NACC1: variants seen among roughly 807,000 people sequenced by gnomAD.
The protein encoded by NACC1 is nucleus accumbens associated 1, also known as nucleus accumbens-associated protein 1.
A neutral mutation model predicts 41.7 loss-of-function variants in NACC1; 6 were observed. That is an observed-to-expected ratio of 0.14 (90% CI 0.08 to 0.28). The LOEUF is 0.28. Among genes scored for constraint, NACC1 ranks in the 10% least tolerant of loss-of-function variants. NACC1 has a pLI of 1.00. For missense variants in NACC1, 434 were observed against 763.7 expected (o/e 0.57, Z 5.09); for synonymous variants, 338 against 330.6 (o/e 1.02, Z -0.24).
rs2019742467 is a variant in NACC1, at chr19:13,138,680, T to A, written c.*274T>A. 4.0e-6 allele frequency: 2 copies of A among 498,902 alleles called. No individual in the cohort carries two copies. The highest frequency in any genetic ancestry group is 7.3e-6 in the Non-Finnish European group (2 of 273,452). The allele number at this position is 498,902 out of a possible 1,614,324, so 30.9% of individuals were successfully genotyped here. On this transcript the variant is annotated 3_prime_UTR_variant, in exon 6 of 6. Coordinates refer to ENST00000292431, the MANE Select transcript of NACC1 (RefSeq NM_052876.4). This position sits in a 1 kb window ranked among gnomAD's most constrained non-coding sequence, Gnocchi z 5.7. ...GGCTCCCCAACCTAACCCCTAGCCG[T>A]CATCTCCACACTCACCAGGCCCACC...
rs537539123 is a variant in NACC1, at chr19:13,137,117, G to A, written c.1121-154G>A. ...AGCCTCCCCTGACTGCCCTTGGTGG[G>A]TAGAGATGTAGGGGAGAAGGTCCCT... On this transcript the variant is annotated intron_variant, in intron 3 of 5. Coordinates refer to ENST00000292431, the MANE Select transcript of NACC1 (RefSeq NM_052876.4). This position sits in a 1 kb window ranked among gnomAD's most constrained non-coding sequence, Gnocchi z 6.1. 7.2e-5 allele frequency among the ~76,000 whole-genome samples: 11 copies of A among 152,322 alleles called. No homozygotes were observed. The highest frequency in any genetic ancestry group is 2.6e-4 in the African/African-American group (11 of 41,578).
intron 1 of NACC1, among the ~76,000 whole-genome samples, chr19:13,128,394 G>C (rs2019591401): frequency 1.3e-5 from 2 of 152,184 alleles, no homozygotes; most frequent in Admixed American, 6.5e-5. Context: ...ATGGCTTGCA[G>C]ACAGCTGCCT....
intron 1 of NACC1, among the ~76,000 whole-genome samples, chr19:13,127,370 A>ATTTTT (rs1491187460): frequency 4.5e-5 from 2 of 44,818 alleles, no homozygotes; most frequent in African/African-American, 2.3e-4. Context: ...ATATACATAT[A>ATTTTT]CTTTTTTTTT....
Position 13,138,538 on chromosome 19 carries a change from C to T in NACC1, c.*132C>T. 1 of 1,332,396 alleles carries T rather than the reference C, an allele frequency of 7.5e-7. No individual in the cohort carries two copies. Among genetic ancestry groups the T allele is most frequent in the Non-Finnish European group, 1.0e-6 (1 of 983,858 alleles). The allele number at this position is 1,332,396 out of a possible 1,614,324, so 82.5% of individuals were successfully genotyped here. A position where few individuals can be genotyped will look rare whatever the true frequency, so the allele number is the denominator to read the frequency against. On this transcript the variant is annotated 3_prime_UTR_variant, in exon 6 of 6. Coordinates refer to ENST00000292431, the MANE Select transcript of NACC1 (RefSeq NM_052876.4). This position sits in a 1 kb window ranked among gnomAD's most constrained non-coding sequence, Gnocchi z 5.7. ...GTGCTGCATGTTCCCGGCCCTCTGC[C>T]CCTCCTGTCCTACCCCCTTTCCCCA...
In NACC1 at chr19:13,140,006, G is replaced by A. The variant is rs2019766162; in HGVS notation, c.*1600G>A. On this transcript the variant is annotated 3_prime_UTR_variant, in exon 6 of 6. Transcript: ENST00000292431. This position sits in a 1 kb window ranked among gnomAD's most constrained non-coding sequence, Gnocchi z 4.0. ...AGGGGGATTTTAGGAGATGGGGTGG[G>A]GGCCAGCCCCTACTGGACCCTTGTA... 1 of 152,164 alleles carries A rather than the reference G, an allele frequency of 6.6e-6. No individual in the cohort carries two copies. Among genetic ancestry groups the A allele is most frequent in the Admixed American group, 6.5e-5 (1 of 15,274 alleles). 9.4% of individuals were successfully genotyped at this position (152,164 alleles called of 1,614,324 possible).
In NACC1 at chr19:13,138,907, C is replaced by T. The variant is rs888063667; in HGVS notation, c.*501C>T. The T allele has an allele frequency of 4.4e-5, 7 of 158,840 alleles. No individual in the cohort carries two copies. The highest frequency in any genetic ancestry group is 1.8e-4 in the East Asian group (1 of 5,440). 9.8% of individuals were successfully genotyped at this position (158,840 alleles called of 1,614,324 possible). A position where few individuals can be genotyped will look rare whatever the true frequency, so the allele number is the denominator to read the frequency against. On this transcript the variant is annotated 3_prime_UTR_variant, in exon 6 of 6. Transcript: ENST00000292431. The surrounding 1 kb of genome is among the most constrained non-coding windows in gnomAD (Gnocchi z 5.7). ...TTCCTGTCACCCTCGTCTATCCCTG[C>T]GCCTGGGGGCTGGGGTAGGCGAGGC...
At chr19:13,119,339 C>T (rs2019459207) in intron 1 of NACC1, among the ~76,000 whole-genome samples, 1 of 152,226 alleles carries the variant, frequency 6.6e-6, no homozygotes, top group African/African-American at 2.4e-5. Context: ...CCTCTGCCAA[C>T]TGTTCAAAGG....
rs1415606720 is a variant in NACC1, at chr19:13,136,005, C to T, written c.798C>T (p.Thr266=). The T allele has an allele frequency of 6.2e-7, 1 of 1,613,210 alleles. No individual in the cohort carries two copies. The highest frequency in any genetic ancestry group is 8.5e-7 in the Non-Finnish European group (1 of 1,179,780). ...PSTSERTSPG[T]SSAYTSDSPG... is the part of the protein sequence containing the mutation. ...CGTCGGAGCGGACCAGCCCAGGCAC[C>T]TCAAGCGCCTACACCAGCGACAGCC... Residue 266 remains threonine, a synonymous_variant, in exon 2 of 6, where the codon ACC becomes ACT. Transcript: ENST00000292431. The surrounding 1 kb of genome is among the most constrained non-coding windows in gnomAD (Gnocchi z 5.5).
At position 13,131,125 on chromosome 19, in the gene NACC1, C is replaced by A. The variant is rs556927530; in HGVS notation, c.-8-4075C>A. 1.3e-3 allele frequency among the ~76,000 whole-genome samples: 205 copies of A among 152,266 alleles called. 1 individual carries two copies. The highest frequency in any genetic ancestry group is 4.7e-3 in the African/African-American group (195 of 41,546). ...ACCCCAACTGTAATTAAATCATCCC[C>A]GGTGTCTCCTCACTAGACAGCTCCA... On this transcript the variant is annotated intron_variant, in intron 1 of 5. Transcript: ENST00000292431.
rs1390797447 is a variant in NACC1 at position 13,138,661 on chromosome 19, C to T, written c.*255C>T. 3 of 550,522 alleles carry T rather than the reference C, an allele frequency of 5.4e-6. No individual in the cohort carries two copies. Among genetic ancestry groups the T allele is most frequent in the East Asian group, 6.3e-5 (2 of 31,626 alleles). The allele number at this position is 550,522 out of a possible 1,614,324, so 34.1% of individuals were successfully genotyped here. ...CGTGCAGTGGGGGAGTTCTGGCTCC[C>T]CAACCTAACCCCTAGCCGTCATCTC... On this transcript the variant is annotated 3_prime_UTR_variant, in exon 6 of 6. Coordinates refer to ENST00000292431, the MANE Select transcript of NACC1 (RefSeq NM_052876.4). The surrounding 1 kb of genome is among the most constrained non-coding windows in gnomAD (Gnocchi z 5.7).
Position 13,135,747 on chromosome 19 carries a change from C to A in NACC1, c.540C>A (p.Pro180=). The A allele has an allele frequency of 1.3e-6, 2 of 1,559,170 alleles. No homozygotes were observed. The highest frequency in any genetic ancestry group is 2.3e-5 in the East Asian group (1 of 42,696). Residue 180 remains proline (P), a synonymous_variant, in exon 2 of 6, where the codon CCC becomes CCA. Transcript: ENST00000292431. Reference sequence around the variant, plus strand: ...AGTCGGACTCCGTGCAGTGCATGCCCGTGGCCAAGCGGCTGTGGGACAGTG... The same window carrying A: ...AGTCGGACTCCGTGCAGTGCATGCCAGTGGCCAAGCGGCTGTGGGACAGTG... ...QQESDSVQCM[P]VAKRLWDSGQ... is the part of the protein sequence containing the mutation.
chr19:13,119,528 G>A (rs192097047), intron 1 of NACC1, among the ~76,000 whole-genome samples: 1 of 152,122 alleles, frequency 6.6e-6, no homozygotes, highest in South Asian at 2.1e-4. Context: ...ACCTTTTGTG[G>A]CCAGAAGCTG....
intron 1 of NACC1, among the ~76,000 whole-genome samples, chr19:13,118,786 A>G (rs1340864804): frequency 2.4e-5 from 3 of 124,694 alleles, no homozygotes; most frequent in Non-Finnish European, 3.3e-5. Context: ...GTTCTCGTGG[A>G]TGCCGGAGGG....
chr19:13,126,970 C>T (rs1440251828), intron 1 of NACC1, among the ~76,000 whole-genome samples: 2 of 151,952 alleles, frequency 1.3e-5, no homozygotes, highest in South Asian at 2.1e-4. Context: ...GGTGGTGGCT[C>T]GCACCTGTAG....
At position 13,137,593 on chromosome 19, in the gene NACC1, T is replaced by G; in HGVS notation, c.1324+18T>G. 1 of 1,546,652 alleles carries G rather than the reference T, an allele frequency of 6.5e-7. No homozygotes were observed. On this transcript the variant is annotated intron_variant, in intron 5 of 5. Coordinates refer to ENST00000292431, the MANE Select transcript of NACC1 (RefSeq NM_052876.4). This position sits in a 1 kb window ranked among gnomAD's most constrained non-coding sequence, Gnocchi z 6.1. ...TGTCAAGTGTGAGTGTTGGCCCAGC[T>G]GGACGAGGCGTGGGCCCGGGGCACG...
At position 13,138,044 on chromosome 19, in the gene NACC1, C is replaced by T. The variant is rs2019731406; in HGVS notation, c.1325-103C>T. ...CCTGGCCGCGTGGCCTCACTCGTTT[C>T]CCCTTTGAGAGGGAGTCGCAGATGC... On this transcript the variant is annotated intron_variant, in intron 5 of 5. Transcript: ENST00000292431. The surrounding 1 kb of genome is among the most constrained non-coding windows in gnomAD (Gnocchi z 5.7). 2 of 1,530,252 alleles carry T rather than the reference C, an allele frequency of 1.3e-6. No homozygotes were observed. The highest frequency in any genetic ancestry group is 4.6e-5 in the East Asian group (2 of 43,852). 94.8% of individuals were successfully genotyped at this position (1,530,252 alleles called of 1,614,324 possible).
chr19:13,126,484 TG>T (rs1408817051), intron 1 of NACC1, among the ~76,000 whole-genome samples: 1 of 152,194 alleles, frequency 6.6e-6, no homozygotes, highest in Admixed American at 6.5e-5. Context: ...AGGAAAGGAC[TG>T]TGCCTTTGAC....
chr19:13,130,535 C>CTTTTTT (rs34032574), intron 1 of NACC1, among the ~76,000 whole-genome samples: 21 of 128,594 alleles, frequency 1.6e-4, no homozygotes, highest in African/African-American at 1.7e-4. Flanking sequence ...TTTTTCTTTT[C>CTTTTTT]TTTTTTTTTT....
chr19:13,136,096 T>A lies in NACC1; in HGVS notation c.889T>A (p.Tyr297Asn). 1 of 1,614,008 alleles carries A rather than the reference T, an allele frequency of 6.2e-7. No homozygotes were observed. Residue 297 changes from tyrosine (Y) to asparagine (N), a missense_variant, in exon 2 of 6, where the codon TAC (tyrosine) becomes AAC (asparagine). Transcript: ENST00000292431. This position sits in a 1 kb window ranked among gnomAD's most constrained non-coding sequence, Gnocchi z 5.5. ...TGGCGAGGAGGGCATGGATGAGCAG[T>A]ACCGGCAGATCTGCAACATGTACAC... The part of the protein sequence containing the change: ...DGGEEGMDEQ[Y>N]RQICNMYTMY...
Sources: gnomAD v4.1 joint callset for allele counts (sites outside exome capture counted in the v4.1 genomes callset) on GRCh38, gnomAD v4.1.1 for gene constraint, Gnocchi (gnomAD v3.1) non-coding constraint, MANE v1.5 for transcripts, NCBI Gene and HGNC (gene_info 2026-07-23, HGNC 2026-07-21) for gene names.